The following ZNF354A variants were observed in gnomAD, a reference collection of about 807,000 sequenced individuals.
The protein encoded by ZNF354A is zinc finger protein 354A.
In ZNF354A, 25 loss-of-function variants were observed where a neutral mutation model predicts 53.3. The observed-to-expected ratio is 0.47, with a 90% CI of 0.34 to 0.66. The LOEUF (loss-of-function observed/expected upper bound fraction) is 0.66, where lower values mean the gene tolerates loss of function less well. Among genes scored for constraint, ZNF354A ranks in the 30% least tolerant of loss-of-function variants. The pLI is 0.01. For missense variants in ZNF354A, 586 were observed against 716.8 expected (o/e 0.82, Z 2.08); for synonymous variants, 228 against 249.0 (o/e 0.92, Z 0.79).
Position 178,727,111 on chromosome 5 carries a change from A to G in ZNF354A, c.48T>C (p.Phe16=), listed in dbSNP as rs3209485. ...REARPQVSLT[F]EDVAVLFTRD... ...GGGTAAACAGCACAGCCACATCCTCAAACGTCAGTGACACCTGTAAGGACA... is the reference window on the plus strand; with the variant it reads ...GGGTAAACAGCACAGCCACATCCTCGAACGTCAGTGACACCTGTAAGGACA... The change falls in exon 3 of 5, where the codon TTT becomes TTC. Residue 16 remains phenylalanine, a synonymous_variant. Coordinates refer to ENST00000335815, the MANE Select transcript of ZNF354A (RefSeq NM_005649.3). The G allele has an allele frequency of 6.2e-7, 1 of 1,613,700 alleles. No individual in the cohort carries two copies. Among genetic ancestry groups the G allele is most frequent in the Admixed American group, 1.7e-5 (1 of 59,942 alleles).
At chr5:178,720,031 C>A (rs1765784198) in intron 4 of ZNF354A, among the ~76,000 whole-genome samples, 2 of 152,194 alleles carry the variant, frequency 1.3e-5, no homozygotes, top group Non-Finnish European at 2.9e-5. Context: ...CTGCTGGGAA[C>A]TGCACATAAA....
At chr5:178,715,833 T>C (rs754537664) in intron 4 of ZNF354A, among the ~76,000 whole-genome samples, 1 of 151,982 alleles carries the variant, frequency 6.6e-6, no homozygotes, top group Non-Finnish European at 1.5e-5. Flanking sequence ...ATCTCTACCA[T>C]AATCTCCTAA....
In ZNF354A at chr5:178,712,257, G is replaced by C; in HGVS notation, c.1621C>G (p.Arg541Gly). Residue 541 changes from arginine (R) to glycine (G), a missense_variant, in exon 5 of 5, where the codon CGA (arginine) becomes GGA (glycine). Arg to Gly is a moderately radical substitution (Grantham distance 125, BLOSUM62 -2). Around this residue, in one of 2 missense-constraint regions of ZNF354A, gnomAD observed 573 missense variants for 680.1 expected, o/e 0.84. Transcript: ENST00000335815. Reference sequence around the variant, plus strand: ...GGTTTTTCTCCTGTATGAATCCTTCGATGCTGAATAAGAGCTGAACTTTGG... The same window carrying C: ...GGTTTTTCTCCTGTATGAATCCTTCCATGCTGAATAAGAGCTGAACTTTGG... ...FGQSSALIQH[R>G]RIHTGEKPFK... is the part of the protein sequence containing the mutation. 1 of 1,613,962 alleles carries C rather than the reference G, an allele frequency of 6.2e-7. No homozygotes were observed. The highest frequency in any genetic ancestry group is 8.5e-7 in the Non-Finnish European group (1 of 1,179,970).
At chr5:178,718,515 A>C (rs1207181144) in intron 4 of ZNF354A, among the ~76,000 whole-genome samples, 1 of 152,202 alleles carries the variant, frequency 6.6e-6, no homozygotes. Flanking sequence ...CCTGAAAAAT[A>C]CTTTACAGAG....
chr5:178,721,692 GTTC>G (rs1765815913), intron 4 of ZNF354A, among the ~76,000 whole-genome samples: 1 of 152,110 alleles, frequency 6.6e-6, no homozygotes, highest in Non-Finnish European at 1.5e-5. Flanking sequence ...TAGGCCCCCA[GTTC>G]TTCTCACTCT....
chr5:178,713,240 C>T lies in ZNF354A; in HGVS notation c.638G>A (p.Arg213His), dbSNP rs913690436. The change falls in exon 5 of 5, where the codon CGC (arginine) becomes CAC (histidine). Residue 213 changes from arginine to histidine, a missense_variant. By Grantham distance (29) the Arg-to-His change is conservative. Around this residue, in one of 2 missense-constraint regions of ZNF354A, gnomAD observed 573 missense variants for 680.1 expected, o/e 0.84. Transcript: ENST00000335815. ...LNQPKITADKRYKCSLCEKTF... is the reference protein window; with the variant it reads ...LNQPKITADKHYKCSLCEKTF... Reference sequence around the variant, plus strand: ...TTTTTCACACAGACTACATTTATAGCGTTTATCTGCTGTAATTTTTGGTTG... The same window carrying T: ...TTTTTCACACAGACTACATTTATAGTGTTTATCTGCTGTAATTTTTGGTTG... 5.6e-6 allele frequency: 9 copies of T among 1,614,036 alleles called. No homozygotes were observed. Among genetic ancestry groups the T allele is most frequent in the Non-Finnish European group, 5.9e-6 (7 of 1,179,998 alleles).
At chr5:178,723,436 C>G (rs1484150575) in intron 4 of ZNF354A, among the ~76,000 whole-genome samples, 1 of 152,246 alleles carries the variant, frequency 6.6e-6, no homozygotes, top group Non-Finnish European at 1.5e-5. Context: ...AACCCTGTGA[C>G]AGGGCCCGTG....
In ZNF354A at chr5:178,713,470, CT is replaced by C; in HGVS notation, c.407del (p.Gln136ArgfsTer9). ...CTATCTGAAAACTTCCCTTTTTATC[CT>C]GCTTTTTCTCTAATCTGCCTTCATA... ...YIYEGRLEKK[Q>X]DKKGSFQIVS... On this transcript the variant is annotated frameshift_variant, in exon 5 of 5. Transcript: ENST00000335815. LOFTEE classifies it high-confidence loss of function. The C allele has an allele frequency of 6.2e-7, 1 of 1,613,602 alleles. No individual in the cohort carries two copies. Among genetic ancestry groups the C allele is most frequent in the Non-Finnish European group, 8.5e-7 (1 of 1,179,904 alleles).
intron 4 of ZNF354A, among the ~76,000 whole-genome samples, chr5:178,715,146 CAG>C (rs1415390423): frequency 1.3e-5 from 2 of 152,194 alleles, no homozygotes; most frequent in Non-Finnish European, 2.9e-5. Context: ...TAAATTCTCT[CAG>C]GGGAACGGTT....
At chr5:178,718,499 G>C (rs570648732) in intron 4 of ZNF354A, among the ~76,000 whole-genome samples, 12 of 152,264 alleles carry the variant, frequency 7.9e-5, no homozygotes, top group African/African-American at 2.6e-4. Flanking sequence ...TTATGTGTAC[G>C]ACTATCCTGA....
Position 178,712,770 on chromosome 5 carries a change from G to T in ZNF354A, c.1108C>A (p.Arg370Ser), listed in dbSNP as rs142363704. 2 of 1,613,900 alleles carry T rather than the reference G, an allele frequency of 1.2e-6. No homozygotes were observed. Among genetic ancestry groups the T allele is most frequent in the African/African-American group, 2.7e-5 (2 of 74,878 alleles). Reference protein sequence around the residue: ...GNTFKSSSSLRYHQRIHTGEK... With the variant: ...GNTFKSSSSLSYHQRIHTGEK... Reference sequence around the variant, plus strand: ...CCAGTGTGAATTCTCTGATGATAACGAAGGGATGAGCTAGACTTAAAGGTG... The same window carrying T: ...CCAGTGTGAATTCTCTGATGATAACTAAGGGATGAGCTAGACTTAAAGGTG... The change falls in exon 5 of 5, where the codon CGT becomes AGT. Residue 370 changes from arginine to serine, a missense_variant. Coordinates refer to ENST00000335815, the MANE Select transcript of ZNF354A (RefSeq NM_005649.3).
rs1364739360 is a variant in ZNF354A, at chr5:178,712,640, T to C, written c.1238A>G (p.Asn413Ser). 9 of 1,614,054 alleles carry C rather than the reference T, an allele frequency of 5.6e-6. No homozygotes were observed. Among genetic ancestry groups the C allele is most frequent in the Admixed American group, 1.7e-5 (1 of 60,012 alleles). Residue 413 changes from asparagine (N) to serine (S), a missense_variant, in exon 5 of 5, where the codon AAT becomes AGT. This residue lies in a region of ZNF354A where 573 missense variants were observed against 680.1 expected (regional missense o/e 0.84). Coordinates refer to ENST00000335815, the MANE Select transcript of ZNF354A (RefSeq NM_005649.3). ...AGAAGTAAAGCCTTTCCCACATTCATTGCATCTATAGGGCTTTTCTCCGGT... is the reference window on the plus strand; with the variant it reads ...AGAAGTAAAGCCTTTCCCACATTCACTGCATCTATAGGGCTTTTCTCCGGT... ...IHTGEKPYRCNECGKGFTSIS... is the reference protein window; with the variant it reads ...IHTGEKPYRCSECGKGFTSIS...
intron 4 of ZNF354A, among the ~76,000 whole-genome samples, chr5:178,715,313 T>A (rs1765691916): frequency 6.6e-6 from 1 of 152,222 alleles, no homozygotes; most frequent in South Asian, 2.1e-4. Flanking sequence ...TGCTTTTCCC[T>A]TATTAGTGTT....
intron 1 of ZNF354A, chr5:178,729,413 ACCT>A (rs1765982026): frequency 4.7e-6 from 1 of 212,024 alleles, no homozygotes; most frequent in African/African-American, 2.4e-5. Flanking sequence ...GCGCCGGGGC[ACCT>A]GCCCCGTTCA....
In ZNF354A at chr5:178,725,884, T is replaced by C. The variant is rs535724326; in HGVS notation, c.161-413A>G. Among the ~76,000 whole-genome samples the C allele has an allele frequency of 9.2e-5, 14 of 152,274 alleles. No homozygotes were observed. In the South Asian group the frequency reaches 2.9e-3, roughly 32 times the overall value. ...TTTTTTCTGAGGAGGAGTCTCGCTC[T>C]ATTGCCAGGCTGGAGTGCAGTGGCG... On this transcript the variant is annotated intron_variant, in intron 3 of 4. Coordinates refer to ENST00000335815, the MANE Select transcript of ZNF354A (RefSeq NM_005649.3).
At position 178,712,960 on chromosome 5, in the gene ZNF354A, G is replaced by A; in HGVS notation, c.918C>T (p.Ser306=). The A allele has an allele frequency of 6.2e-7, 1 of 1,614,070 alleles. No individual in the cohort carries two copies. Among genetic ancestry groups the A allele is most frequent in the Non-Finnish European group, 8.5e-7 (1 of 1,179,992 alleles). The change falls in exon 5 of 5, where the codon TCC becomes TCT. Residue 306 remains serine (S), a synonymous_variant. Coordinates refer to ENST00000335815, the MANE Select transcript of ZNF354A (RefSeq NM_005649.3). ...TAAAAAGGCCTGACCTTCGGCTGAA[G>A]GATTTACCACATTCTTTACATCTGT... ...KSYRCKECGK[S]FSRRSGLFIH...
chr5:178,716,290 CTT>C (rs1765715017), intron 4 of ZNF354A, among the ~76,000 whole-genome samples: 1 of 152,154 alleles, frequency 6.6e-6, no homozygotes. Context: ...TCTTAAGAGT[CTT>C]GAAGACTCTT....
chr5:178,718,656 C>G (rs897296682), intron 4 of ZNF354A, among the ~76,000 whole-genome samples: 1 of 152,186 alleles, frequency 6.6e-6, no homozygotes, highest in Admixed American at 6.5e-5. Flanking sequence ...ATGACACCAT[C>G]ATCTCTTCAG....
At chr5:178,718,138 T>C (rs943885486) in intron 4 of ZNF354A, among the ~76,000 whole-genome samples, 19 of 152,176 alleles carry the variant, frequency 1.2e-4, no homozygotes, top group African/African-American at 4.6e-4. Context: ...GTGCCAATAT[T>C]TTAGTCCTGA....
Sources: gnomAD v4.1 joint callset for allele counts (sites outside exome capture counted in the v4.1 genomes callset) on GRCh38, gnomAD v4.1.1 for gene constraint, gnomAD v4.1.1 regional missense constraint, MANE v1.5 for transcripts, NCBI Gene and HGNC (gene_info 2026-07-23, HGNC 2026-07-21) for gene names.